Variants in BCHE observed in about 807,000 individuals in gnomAD.
BCHE encodes cholinesterase.
BCHE carries 48 observed loss-of-function variants against 51.3 expected under a neutral mutation model. The ratio of observed to expected loss-of-function variants is 0.94; its 90% CI spans 0.74 to 1.19. The LOEUF (loss-of-function observed/expected upper bound fraction) is 1.19, where lower values mean the gene tolerates loss of function less well. Among genes scored for constraint, BCHE ranks in the 50% most tolerant of loss-of-function variants. The probability of loss-of-function intolerance (pLI) is 0.00; values close to 1 mark genes in which losing one functional copy is unlikely to be tolerated. For synonymous variants in BCHE, 251 were observed against 238.0 expected, an observed-to-expected ratio of 1.05 and a Z score of -0.50; for missense variants, 847 against 708.2, an observed-to-expected ratio of 1.20 and a Z score of -2.23.
intron 2 of BCHE, among the ~76,000 whole-genome samples, chr3:165,793,149 T>C (rs1463963176): frequency 6.6e-6 from 1 of 152,232 alleles, no homozygotes; most frequent in Non-Finnish European, 1.5e-5. Context: ...TCTAGTAATT[T>C]TATGGCTTTA....
At chr3:165,805,165 G>T (rs2108217094) in intron 2 of BCHE, among the ~76,000 whole-genome samples, 1 of 151,870 alleles carries the variant, frequency 6.6e-6, no homozygotes, top group Non-Finnish European at 1.5e-5. Flanking sequence ...GAAGAAGGAG[G>T]AATAATGTTT....
intron 2 of BCHE, among the ~76,000 whole-genome samples, chr3:165,816,312 G>C (rs1281850211): frequency 6.6e-6 from 1 of 151,954 alleles, no homozygotes; most frequent in Non-Finnish European, 1.5e-5. Context: ...TAAGTAGATA[G>C]AGTTGATGAT....
intron 2 of BCHE, among the ~76,000 whole-genome samples, chr3:165,789,618 A>G (rs750619702): frequency 3.3e-5 from 5 of 152,218 alleles, no homozygotes; most frequent in Non-Finnish European, 7.4e-5. Context: ...TTTAAAATCT[A>G]GTAAAATGAA....
At chr3:165,789,862 G>T (rs748098730) in intron 2 of BCHE, among the ~76,000 whole-genome samples, 7 of 152,048 alleles carry the variant, frequency 4.6e-5, no homozygotes, top group Non-Finnish European at 1.0e-4. Flanking sequence ...GTGTGTACTA[G>T]ATCAGGTATT....
chr3:165,798,869 C>G (rs1713529283), intron 2 of BCHE, among the ~76,000 whole-genome samples: 1 of 151,504 alleles, frequency 6.6e-6, no homozygotes. Context: ...TTTTCTAAAA[C>G]AAAACGAAAC....
intron 2 of BCHE, among the ~76,000 whole-genome samples, chr3:165,823,925 C>G (rs1182840648): frequency 1.7e-5 from 2 of 120,678 alleles, no homozygotes; most frequent in Non-Finnish European, 3.4e-5. Context: ...ACCCACCATA[C>G]CCAACCAACT....
intron 3 of BCHE, among the ~76,000 whole-genome samples, chr3:165,780,213 A>G (rs1712638384): frequency 6.6e-6 from 1 of 152,240 alleles, no homozygotes; most frequent in African/African-American, 2.4e-5. Context: ...CCATATGCAG[A>G]AAACTGAAAC....
At chr3:165,800,548 T>C (rs556782981) in intron 2 of BCHE, among the ~76,000 whole-genome samples, 1 of 152,160 alleles carries the variant, frequency 6.6e-6, no homozygotes, top group Non-Finnish European at 1.5e-5. Flanking sequence ...CCCTATGACA[T>C]AATTTTAATT....
intron 2 of BCHE, among the ~76,000 whole-genome samples, chr3:165,811,519 C>A (rs1159522601): frequency 6.6e-6 from 1 of 151,872 alleles, no homozygotes; most frequent in Non-Finnish European, 1.5e-5. Flanking sequence ...CATGAACAGA[C>A]AATGGTAATG....
Position 165,829,535 on chromosome 3 carries a change from G to A in BCHE, c.1499C>T (p.Ala500Val), listed in dbSNP as rs762673285. 3 of 1,613,336 alleles carry A rather than the reference G, an allele frequency of 1.9e-6. No individual in the cohort carries two copies. The African/African-American group carries it at 4.0e-5, about 22-fold the overall frequency. ...CACTTACCCATATTTTGCAAAATTT[G>A]CCCACCGTTTCACTATGGATCTACT... Reference protein sequence around the residue: ...ILSRSIVKRWANFAKYGNPNE... With the variant: ...ILSRSIVKRWVNFAKYGNPNE... Residue 500 changes from alanine to valine, a missense_variant, in exon 2 of 4, where the codon GCA becomes GTA. Physicochemically the swap from Ala to Val is moderately conservative, Grantham distance 64. Transcript: ENST00000264381.
intron 1 of BCHE, among the ~76,000 whole-genome samples, chr3:165,834,460 ATTAT>A (rs1372415959): frequency 6.6e-6 from 1 of 151,998 alleles, no homozygotes; most frequent in Non-Finnish European, 1.5e-5. Context: ...CATATGACAT[ATTAT>A]TTAATGTGTA....
In BCHE at chr3:165,830,668, A is replaced by G. The variant is rs1714937328; in HGVS notation, c.366T>C (p.Tyr122=). 2 of 1,613,908 alleles carry G rather than the reference A, an allele frequency of 1.2e-6. No individual in the cohort carries two copies. Among genetic ancestry groups the G allele is most frequent in the African/African-American group, 2.7e-5 (2 of 74,906 alleles). Reference sequence around the variant, plus strand: ...TAGGTGCTGGAATCCATACATTTAGATATAAACAGTCTTCACTGAGGTCAG... The same window carrying G: ...TAGGTGCTGGAATCCATACATTTAGGTATAAACAGTCTTCACTGAGGTCAG... ...PNTDLSEDCL[Y]LNVWIPAPKP... is the part of the protein sequence containing the mutation. Residue 122 remains tyrosine (Y), a synonymous_variant, in exon 2 of 4, where the codon TAT becomes TAC. Transcript: ENST00000264381.
chr3:165,811,512 G>A lies in BCHE; in HGVS notation c.1517+18005C>T, dbSNP rs548754594. ...TTTAAACATAAGGGAGGTTTTGCAT[G>A]AACAGACAATGGTAATGCTCTAGGA... is the stretch of plus-strand genomic sequence containing the variant. On this transcript the variant is annotated intron_variant, in intron 2 of 3. Transcript: ENST00000264381. Among the ~76,000 whole-genome samples the A allele has an allele frequency of 2.6e-5, 4 of 152,084 alleles. 1 individual carries two copies. The South Asian group carries it at 8.3e-4, about 32-fold the overall frequency.
intron 2 of BCHE, among the ~76,000 whole-genome samples, chr3:165,821,092 G>A (rs1560018941): frequency 6.6e-6 from 1 of 151,776 alleles, no homozygotes; most frequent in Non-Finnish European, 1.5e-5. Flanking sequence ...ATAATAGAAT[G>A]CATATACCTC....
At chr3:165,792,161 A>G (rs897817907) in intron 2 of BCHE, among the ~76,000 whole-genome samples, 2 of 152,074 alleles carry the variant, frequency 1.3e-5, no homozygotes, top group African/African-American at 2.4e-5. Flanking sequence ...GACCTTGCCT[A>G]GAATGTGACA....
At chr3:165,817,076 A>G (rs1196093394) in intron 2 of BCHE, among the ~76,000 whole-genome samples, 3 of 152,074 alleles carry the variant, frequency 2.0e-5, no homozygotes, top group Non-Finnish European at 2.9e-5. Flanking sequence ...CATATCCTCC[A>G]ATAGTTGTTA....
At chr3:165,786,718 A>G (rs945674699) in intron 2 of BCHE, among the ~76,000 whole-genome samples, 7 of 151,648 alleles carry the variant, frequency 4.6e-5, no homozygotes, top group Admixed American at 2.6e-4. Context: ...TTTTGCATCT[A>G]TTTCATTCTA....
At chr3:165,829,437 A>C in intron 2 of BCHE, 80 bp downstream of exon 2, 1 of 1,196,040 alleles carries the variant, frequency 8.4e-7, no homozygotes, top group Non-Finnish European at 1.2e-6. Context: ...TTTATACTAA[A>C]GTCTACCCCA....
At chr3:165,777,146 T>G (rs1233629508) in intron 3 of BCHE, among the ~76,000 whole-genome samples, 2 of 151,898 alleles carry the variant, frequency 1.3e-5, no homozygotes, top group Non-Finnish European at 2.9e-5. Flanking sequence ...AGCTTACAAT[T>G]CTCGTAACTA....
Sources: gnomAD v4.1 joint callset for allele counts (sites outside exome capture counted in the v4.1 genomes callset) on GRCh38, gnomAD v4.1.1 for gene constraint, MANE v1.5 for transcripts, NCBI Gene and HGNC (gene_info 2026-07-23, HGNC 2026-07-21) for gene names.